Variants in ACSBG1 observed in about 807,000 individuals in gnomAD.
ACSBG1 encodes the protein long-chain-fatty-acid--CoA ligase ACSBG1.
In ACSBG1, 39 loss-of-function variants were observed where a neutral mutation model predicts 80.2. The ratio of observed to expected loss-of-function variants is 0.49; its 90% CI spans 0.38 to 0.64. ACSBG1 has a LOEUF of 0.64. ACSBG1 is among the 30% of genes least tolerant of loss of function. The probability of loss-of-function intolerance (pLI) is 0.00; values close to 1 mark genes in which losing one functional copy is unlikely to be tolerated. For missense variants in ACSBG1, 828 were observed against 966.4 expected (o/e 0.86, Z 1.90); for synonymous variants, 392 against 379.5 (o/e 1.03, Z -0.38).
intron 5 of ACSBG1, among the ~76,000 whole-genome samples, chr15:78,183,276 A>T (rs1304564285): frequency 1.3e-5 from 2 of 152,254 alleles, no homozygotes; most frequent in African/African-American, 4.8e-5. Flanking sequence ...ACAAGTATTT[A>T]CTTATGTTTA....
At position 78,190,765 on chromosome 15, in the gene ACSBG1, A is replaced by G. The variant is rs576955395; in HGVS notation, c.663+2741T>C. On this transcript the variant is annotated intron_variant, in intron 5 of 13. Transcript: ENST00000258873. ...CTGGTATCTTGGAGAGTACACTGTG[A>G]TAAGTTAAAGATGCATATTGTAAAA... Among the ~76,000 whole-genome samples the G allele has an allele frequency of 7.2e-5, 11 of 152,190 alleles. No homozygotes were observed. In the East Asian group the frequency reaches 2.1e-3, roughly 30 times the overall value.
chr15:78,179,477 C>G (rs2074917742), intron 10 of ACSBG1, 73 bp downstream of exon 10: 2 of 1,387,248 alleles, frequency 1.4e-6, no homozygotes, highest in Admixed American at 3.6e-5. Flanking sequence ...ATCCCCAGGG[C>G]ACTCAGCAGG....
At chr15:78,184,989 TATGGGAGAGACAGACAGAGGGA>T (rs2074984205) in intron 5 of ACSBG1, among the ~76,000 whole-genome samples, 1 of 147,676 alleles carries the variant, frequency 6.8e-6, no homozygotes. Flanking sequence ...ATTTTTGAGC[TATGGGAGAGACAGACAGAGGGA>T]GAGAGAGGGA....
intron 1 of ACSBG1, among the ~76,000 whole-genome samples, chr15:78,226,245 C>T (rs997554540): frequency 1.3e-5 from 2 of 152,030 alleles, no homozygotes; most frequent in African/African-American, 4.8e-5. Flanking sequence ...AAAAAGAAAT[C>T]CCACCACTTT....
At chr15:78,192,986 A>G (rs1190769341) in intron 5 of ACSBG1, among the ~76,000 whole-genome samples, 1 of 152,066 alleles carries the variant, frequency 6.6e-6, no homozygotes, top group African/African-American at 2.4e-5. Flanking sequence ...GGCATCATCA[A>G]TGCTCCAGAA....
chr15:78,198,826 G>A (rs888523486), intron 2 of ACSBG1, among the ~76,000 whole-genome samples: 1 of 152,202 alleles, frequency 6.6e-6, no homozygotes, highest in Non-Finnish European at 1.5e-5. Flanking sequence ...AGGGGAGAGA[G>A]ATCATCTTAT....
intron 2 of ACSBG1, among the ~76,000 whole-genome samples, chr15:78,195,526 T>C (rs2075105596): frequency 6.7e-6 from 1 of 148,502 alleles, no homozygotes; most frequent in Admixed American, 6.6e-5. Flanking sequence ...CCACTTAGTA[T>C]GCAAGACTTG....
Position 78,180,916 on chromosome 15 carries a change from C to T in ACSBG1, c.1092G>A (p.Leu364=). The change falls in exon 9 of 14, where the codon CTG becomes CTA. Residue 364 remains leucine (L), a synonymous_variant. Coordinates refer to ENST00000258873, the MANE Select transcript of ACSBG1 (RefSeq NM_015162.5). The part of the protein sequence containing the change: ...DALKGSLVNT[L]REVEPTSHMG... ...TGTGTGATGTGGGCTCCACCTCCCG[C>T]AGCGTGTTCACCAGGCTCCCCTGTT... The T allele has an allele frequency of 2.5e-6, 4 of 1,614,112 alleles. No homozygotes were observed. The highest frequency in any genetic ancestry group is 2.5e-6 in the Non-Finnish European group (3 of 1,179,980).
chr15:78,189,970 A>T (rs1022105770), intron 5 of ACSBG1, among the ~76,000 whole-genome samples: 6 of 151,530 alleles, frequency 4.0e-5, no homozygotes, highest in Non-Finnish European at 7.4e-5. Flanking sequence ...ACAAATCTTT[A>T]AAAAAAAAGA....
intron 1 of ACSBG1, among the ~76,000 whole-genome samples, chr15:78,221,498 G>A (rs780126685): frequency 6.6e-5 from 10 of 152,168 alleles, no homozygotes; most frequent in Non-Finnish European, 1.2e-4. Context: ...TCCTATCTCA[G>A]AACAGAACGA....
intron 5 of ACSBG1, among the ~76,000 whole-genome samples, chr15:78,184,958 C>T (rs185839631): frequency 5.9e-5 from 9 of 152,002 alleles, no homozygotes. Flanking sequence ...TAAGTGTGCC[C>T]CAGCTTTCTG....
intron 1 of ACSBG1, among the ~76,000 whole-genome samples, chr15:78,232,731 C>G (rs948652496): frequency 6.6e-6 from 1 of 151,430 alleles, no homozygotes; most frequent in African/African-American, 2.4e-5. Flanking sequence ...GTGGCCCAGG[C>G]TGGAGTGCAG....
At position 78,178,719 on chromosome 15, in the gene ACSBG1, C is replaced by G. The variant is rs114352168; in HGVS notation, c.1597G>C (p.Glu533Gln). ...RTIFMGYLNM[E>Q]DKTCEAIDEE... ...TCGATGGCCTCACAAGTCTTGTCCT[C>G]CATGTTCAGGTAGCCCATGAATATG... The change falls in exon 11 of 14, where the codon GAG becomes CAG. Residue 533 changes from glutamate (E) to glutamine (Q), a missense_variant. This residue lies in a region of ACSBG1 where 271 missense variants were observed against 375.9 expected (regional missense o/e 0.72). Transcript: ENST00000258873. The surrounding 1 kb of genome is among the most constrained non-coding windows in gnomAD (Gnocchi z 4.3). The G allele has an allele frequency of 1.9e-6, 3 of 1,614,158 alleles. No homozygotes were observed. The highest frequency in any genetic ancestry group is 1.1e-5 in the South Asian group (1 of 91,070).
chr15:78,182,027 A>G lies in ACSBG1; in HGVS notation c.1013T>C (p.Leu338Pro). 1 of 1,614,118 alleles carries G rather than the reference A, an allele frequency of 6.2e-7. No homozygotes were observed. The highest frequency in any genetic ancestry group is 8.5e-7 in the Non-Finnish European group (1 of 1,180,006). The change falls in exon 8 of 14, where the codon CTG becomes CCG. Residue 338 changes from leucine (L) to proline (P), a missense_variant. Coordinates refer to ENST00000258873, the MANE Select transcript of ACSBG1 (RefSeq NM_015162.5). ...LSHIAAQIYD[L>P]WTGIQWGAQV... ...GGCCCCCCACTGGATGCCTGTCCAC[A>G]GGTCGTAGATCTGGGCGGCAATATG...
At chr15:78,215,786 G>GAA (rs1477978248) in intron 1 of ACSBG1, among the ~76,000 whole-genome samples, 137 of 122,914 alleles carry the variant, frequency 1.1e-3, no homozygotes, top group African/African-American at 1.8e-3. Flanking sequence ...AAGAAAGAAA[G>GAA]AGAAAGAAAG....
rs1242622928 is a variant in ACSBG1, at chr15:78,194,358, G to A, written c.453+148C>T. The A allele has an allele frequency of 6.8e-6, 5 of 736,022 alleles. No homozygotes were observed. The Admixed American group carries it at 1.1e-4, about 16-fold the overall frequency. The allele number at this position is 736,022 out of a possible 1,614,324, so 45.6% of individuals were successfully genotyped here. A position where few individuals can be genotyped will look rare whatever the true frequency, so the allele number is the denominator to read the frequency against. On this transcript the variant is annotated intron_variant, in intron 3 of 13. Coordinates refer to ENST00000258873, the MANE Select transcript of ACSBG1 (RefSeq NM_015162.5). ...AGCTCAGTACGGGGCCCAGCATGGAGTATCAGCCCCACGCACAATGACAGC... is the reference window on the plus strand; with the variant it reads ...AGCTCAGTACGGGGCCCAGCATGGAATATCAGCCCCACGCACAATGACAGC...
At chr15:78,205,372 G>A (rs1318220690) in intron 2 of ACSBG1, among the ~76,000 whole-genome samples, 6 of 152,122 alleles carry the variant, frequency 3.9e-5, no homozygotes, top group Non-Finnish European at 7.4e-5. Context: ...AGTGAACCCT[G>A]ATTCCTGTGT....
Position 78,182,127 on chromosome 15 carries a change from A to G in ACSBG1, c.913T>C (p.Tyr305His). 2 of 1,610,670 alleles carry G rather than the reference A, an allele frequency of 1.2e-6. No individual in the cohort carries two copies. The highest frequency in any genetic ancestry group is 1.1e-5 in the South Asian group (1 of 91,068). The part of the protein sequence containing the change: ...SQDNITWTAR[Y>H]GSQAGDIRPA... Reference sequence around the variant, plus strand: ...CGGATGTCACCGGCCTGGCTGCCGTACCGTGCCGTCCACGTGATCTGGAGG... The same window carrying G: ...CGGATGTCACCGGCCTGGCTGCCGTGCCGTGCCGTCCACGTGATCTGGAGG... The change falls in exon 8 of 14, where the codon TAC (tyrosine) becomes CAC (histidine). Residue 305 changes from tyrosine to histidine, a missense_variant. Coordinates refer to ENST00000258873, the MANE Select transcript of ACSBG1 (RefSeq NM_015162.5).
chr15:78,174,550 G>T (rs762094236), intron 11 of ACSBG1, 26 bp from the exon 12 acceptor site: 16 of 1,606,472 alleles, frequency 1.0e-5, no homozygotes, highest in Non-Finnish European at 1.4e-5. Context: ...CAGGCCCCCG[G>T]CACAGAATGT....
Sources: gnomAD v4.1 joint callset for allele counts (sites outside exome capture counted in the v4.1 genomes callset) on GRCh38, gnomAD v4.1.1 for gene constraint, gnomAD v4.1.1 regional missense constraint, Gnocchi (gnomAD v3.1) non-coding constraint, MANE v1.5 for transcripts, NCBI Gene and HGNC (gene_info 2026-07-23, HGNC 2026-07-21) for gene names.